Variants in DAB1 observed in about 807,000 individuals in gnomAD.
DAB1 encodes DAB adaptor protein 1, also known as disabled homolog 1.
DAB1 carries 15 observed loss-of-function variants against 64.6 expected under a neutral mutation model. The ratio of observed to expected loss-of-function variants is 0.23; its 90% CI spans 0.16 to 0.36. The LOEUF is 0.36. Ranked by LOEUF, DAB1 falls within the 10% of genes least tolerant of loss-of-function variation. The pLI is 1.00. For synonymous variants in DAB1, 235 were observed against 251.9 expected, an observed-to-expected ratio of 0.93 and a Z score of 0.64; for missense variants, 596 against 706.7, an observed-to-expected ratio of 0.84 and a Z score of 1.78.
At chr1:58,067,540 C>T (rs942722051) in intron 5 of DAB1, among the ~76,000 whole-genome samples, 1 of 152,160 alleles carries the variant, frequency 6.6e-6, no homozygotes, top group African/African-American at 2.4e-5. Flanking sequence ...ATGAATCTAT[C>T]TATAATATTT....
At chr1:57,327,722 G>A (rs546615253) in intron 1 of DAB1, among the ~76,000 whole-genome samples, 2 of 152,226 alleles carry the variant, frequency 1.3e-5, no homozygotes, top group East Asian at 1.9e-4. Context: ...ACCAAAACAA[G>A]AAGGAAAGGA....
intron 5 of DAB1, among the ~76,000 whole-genome samples, chr1:58,093,534 A>C (rs1650804509): frequency 6.6e-6 from 1 of 151,946 alleles, no homozygotes; most frequent in South Asian, 2.1e-4. Context: ...GCTCCTTATG[A>C]GAATCTAATG....
At chr1:57,573,267 CTT>C (rs1227841836) in intron 7 of DAB1, among the ~76,000 whole-genome samples, 4 of 152,006 alleles carry the variant, frequency 2.6e-5, no homozygotes, top group Non-Finnish European at 5.9e-5. Context: ...TTAAAAAAAA[CTT>C]TACATGGAGA....
At position 56,997,297 on chromosome 1, in the gene DAB1, A is replaced by G. The variant is rs186831257; in HGVS notation, c.*847T>C. 31 of 152,334 alleles carry G rather than the reference A, an allele frequency of 2.0e-4. No homozygotes were observed. Among genetic ancestry groups the G allele is most frequent in the African/African-American group, 7.0e-4 (29 of 41,588 alleles). The allele number at this position is 152,334 out of a possible 1,614,324, so 9.4% of individuals were successfully genotyped here. A position where few individuals can be genotyped will look rare whatever the true frequency, so the allele number is the denominator to read the frequency against. ...ATCAGATGCATTTTTCATCTTTCTCATCAATGGGATCTGATGTCTTTTCCT... is the reference window on the plus strand; with the variant it reads ...ATCAGATGCATTTTTCATCTTTCTCGTCAATGGGATCTGATGTCTTTTCCT... On this transcript the variant is annotated 3_prime_UTR_variant, in exon 15 of 15. Coordinates refer to ENST00000371236, the MANE Select transcript of DAB1 (RefSeq NM_001365792.1).
At chr1:57,453,768 T>C (rs1474266219) in intron 7 of DAB1, among the ~76,000 whole-genome samples, 1 of 152,204 alleles carries the variant, frequency 6.6e-6, no homozygotes, top group East Asian at 1.9e-4. Context: ...ACCTAAGATG[T>C]AAGTGCATTA....
At chr1:58,489,304 C>G (rs913134064) in intron 3 of DAB1, among the ~76,000 whole-genome samples, 2 of 152,238 alleles carry the variant, frequency 1.3e-5, no homozygotes, top group Admixed American at 1.3e-4. Flanking sequence ...TATCCCACGC[C>G]TGGCTCAAAG....
chr1:57,654,601 T>G (rs941799954), intron 6 of DAB1, among the ~76,000 whole-genome samples: 24 of 152,354 alleles, frequency 1.6e-4, no homozygotes, highest in Admixed American at 2.6e-4. Context: ...TTGTTTAAAA[T>G]GACATATTAA....
rs1485952215 is a variant in DAB1 at position 58,340,744 on chromosome 1, T to C, written n.309+2608A>G. Among the ~76,000 whole-genome samples, 32 of 152,142 alleles carry C rather than the reference T, an allele frequency of 2.1e-4. 1 individual carries two copies. Among genetic ancestry groups the C allele is most frequent in the Admixed American group, 2.1e-3 (32 of 15,264 alleles). On this transcript the variant is annotated intron_variant and non_coding_transcript_variant, in intron 4 of 20. Coordinates refer to the DAB1 transcript ENST00000485760. ...CTAAGACTTGACATTGGACATTGAG[T>C]TGGAATTCATATCTGTCCTTATTTC...
At chr1:58,401,352 C>G (rs1644566971) in intron 3 of DAB1, among the ~76,000 whole-genome samples, 1 of 152,158 alleles carries the variant, frequency 6.6e-6, no homozygotes, top group African/African-American at 2.4e-5. Context: ...AGGGCAGGCT[C>G]CCATAAGGGG....
Position 58,443,526 on chromosome 1 carries a change from C to A in DAB1, n.257+62534G>T, listed in dbSNP as rs142130753. The stretch of plus-strand genomic sequence containing the variant: ...CATTAGTGGAAAAACTGGCAAAATC[C>A]AAATAAAGTCTGGATTTTAGTTAAT... On this transcript the variant is annotated intron_variant and non_coding_transcript_variant, in intron 3 of 20. Transcript: ENST00000485760. 1.1e-4 allele frequency among the ~76,000 whole-genome samples: 17 copies of A among 152,222 alleles called. No individual in the cohort carries two copies. The East Asian group carries it at 3.3e-3, about 29-fold the overall frequency.
At chr1:58,174,603 G>A (rs1042481593) in intron 4 of DAB1, among the ~76,000 whole-genome samples, 3 of 152,224 alleles carry the variant, frequency 2.0e-5, no homozygotes, top group Non-Finnish European at 4.4e-5. Context: ...AGGGGGGATT[G>A]AGAGGTGAAG....
At chr1:58,160,609 C>T (rs1278168362) in intron 4 of DAB1, among the ~76,000 whole-genome samples, 1 of 152,160 alleles carries the variant, frequency 6.6e-6, no homozygotes, top group Non-Finnish European at 1.5e-5. Flanking sequence ...CAAACTACAT[C>T]ACTGAAAATC....
intron 14 of DAB1, among the ~76,000 whole-genome samples, chr1:56,999,470 C>T (rs1645761585): frequency 6.6e-6 from 1 of 152,140 alleles, no homozygotes; most frequent in South Asian, 2.1e-4. Context: ...TACAAAGCAC[C>T]TCATGTCTTA....
chr1:57,389,330 G>T (rs1682143044), intron 1 of DAB1, among the ~76,000 whole-genome samples: 1 of 152,132 alleles, frequency 6.6e-6, no homozygotes, highest in African/African-American at 2.4e-5. Context: ...CTTTCAGCAT[G>T]AAGTTGAAAC....
intron 4 of DAB1, among the ~76,000 whole-genome samples, chr1:58,189,468 A>G (rs895407407): frequency 1.3e-5 from 2 of 152,230 alleles, no homozygotes; most frequent in African/African-American, 4.8e-5. Flanking sequence ...CTCAAAGTAC[A>G]TTCCCTAGAC....
At chr1:58,231,723 A>G (rs189094680) in intron 4 of DAB1, among the ~76,000 whole-genome samples, 34 of 152,334 alleles carry the variant, frequency 2.2e-4, no homozygotes, top group African/African-American at 7.7e-4. Flanking sequence ...CATGATGACT[A>G]TCCTGTCTGA....
chr1:57,181,156 G>T (rs1569783772), intron 2 of DAB1, among the ~76,000 whole-genome samples: 1 of 152,208 alleles, frequency 6.6e-6, no homozygotes, highest in Non-Finnish European at 1.5e-5. Context: ...GATAAAAGTG[G>T]AAGGGAAAAG....
intron 3 of DAB1, among the ~76,000 whole-genome samples, chr1:58,389,953 G>A (rs759855037): frequency 6.6e-6 from 1 of 152,096 alleles, no homozygotes; most frequent in African/African-American, 2.4e-5. Flanking sequence ...CAGCACTTGG[G>A]AGGATGGGGG....
chr1:57,380,979 C>G (rs374633164), intron 1 of DAB1, among the ~76,000 whole-genome samples: 1 of 152,118 alleles, frequency 6.6e-6, no homozygotes. Flanking sequence ...TATTCCATCC[C>G]TATCCTAAAA....
Sources: allele counts gnomAD v4.1 joint callset (sites outside exome capture counted in the v4.1 genomes callset), GRCh38; gene constraint gnomAD v4.1.1; transcripts MANE v1.5; gene names NCBI Gene and HGNC (gene_info 2026-07-23, HGNC 2026-07-21).